Variants in FBXO31 observed in about 807,000 individuals in gnomAD.
FBXO31 encodes F-box protein 31.
FBXO31 carries 24 observed loss-of-function variants against 54.4 expected under a neutral mutation model. That is an observed-to-expected ratio of 0.44 (90% confidence interval 0.32 to 0.62). The LOEUF (loss-of-function observed/expected upper bound fraction) is 0.62, where lower values mean the gene tolerates loss of function less well. Ranked by LOEUF, FBXO31 falls within the 20% of genes least tolerant of loss-of-function variation. The probability of loss-of-function intolerance (pLI) is 0.05; values close to 1 mark genes in which losing one functional copy is unlikely to be tolerated. For synonymous variants in FBXO31, 388 were observed against 335.6 expected, an observed-to-expected ratio of 1.16 and a Z score of -1.71; for missense variants, 665 against 787.1, an observed-to-expected ratio of 0.84 and a Z score of 1.86.
At chr16:87,368,941 A>G (rs1183186431) in intron 1 of FBXO31, among the ~76,000 whole-genome samples, 1 of 152,034 alleles carries the variant, frequency 6.6e-6, no homozygotes, top group Non-Finnish European at 1.5e-5. Flanking sequence ...CTGGGATTAC[A>G]CGTGCCCGCC....
In FBXO31 at chr16:87,335,168, C is replaced by T; in HGVS notation, c.996+136G>A. 7.9e-7 allele frequency: 1 copy of T among 1,265,466 alleles called. No homozygotes were observed. The highest frequency in any genetic ancestry group is 1.5e-5 in the African/African-American group (1 of 68,266). 78.4% of individuals were successfully genotyped at this position (1,265,466 alleles called of 1,614,324 possible). ...GCCCGAGAATCTGCTTTCCCAAGCTCCCGGGGCTGCAGGTGCAAGCCCACT... is the reference window on the plus strand; with the variant it reads ...GCCCGAGAATCTGCTTTCCCAAGCTTCCGGGGCTGCAGGTGCAAGCCCACT... On this transcript the variant is annotated intron_variant, in intron 7 of 8. Coordinates refer to ENST00000311635, the MANE Select transcript of FBXO31 (RefSeq NM_024735.5). This position sits in a 1 kb window ranked among gnomAD's most constrained non-coding sequence, Gnocchi z 5.7.
chr16:87,349,304 T>C (rs137869907), intron 2 of FBXO31, among the ~76,000 whole-genome samples: 2 of 152,064 alleles, frequency 1.3e-5, no homozygotes, highest in South Asian at 4.1e-4. Flanking sequence ...GAATGAGATA[T>C]GAAGAAAATA....
intron 1 of FBXO31, among the ~76,000 whole-genome samples, chr16:87,379,297 T>G (rs944015656): frequency 2.0e-5 from 3 of 152,102 alleles, no homozygotes; most frequent in Non-Finnish European, 4.4e-5. Context: ...GCAAACCTTC[T>G]GAAAGGTGGG....
chr16:87,367,630 AG>A (rs1391409565), intron 1 of FBXO31: 8 of 152,266 alleles, frequency 5.3e-5, no homozygotes, highest in Non-Finnish European at 1.2e-4. Context: ...GCCCCTTTCC[AG>A]GTTCCAGATG....
intron 3 of FBXO31, among the ~76,000 whole-genome samples, chr16:87,344,799 C>T (rs1905308664): frequency 6.6e-6 from 1 of 152,216 alleles, no homozygotes; most frequent in African/African-American, 2.4e-5. Flanking sequence ...ACGCCCAACA[C>T]AACAAACGCA....
chr16:87,333,776 C>A (rs998604012), intron 8 of FBXO31, 110 bp downstream of exon 8: 2 of 1,478,574 alleles, frequency 1.4e-6, no homozygotes, highest in South Asian at 1.4e-5. Flanking sequence ...CCGGCTGCCG[C>A]CCTCTGTGAG....
At chr16:87,373,657 G>A (rs769499967) in intron 1 of FBXO31, among the ~76,000 whole-genome samples, 11 of 151,602 alleles carry the variant, frequency 7.3e-5, no homozygotes, top group Non-Finnish European at 1.5e-4. Flanking sequence ...CTCAGCCTCC[G>A]GAGGAACTGG....
At chr16:87,372,583 T>C (rs897992528) in intron 1 of FBXO31, among the ~76,000 whole-genome samples, 1 of 151,984 alleles carries the variant, frequency 6.6e-6, no homozygotes, top group African/African-American at 2.4e-5. Flanking sequence ...TTTTTAGAGG[T>C]AGAGTCTCAC....
intron 2 of FBXO31, among the ~76,000 whole-genome samples, chr16:87,359,590 G>C (rs1290877919): frequency 6.6e-6 from 1 of 152,092 alleles, no homozygotes; most frequent in Non-Finnish European, 1.5e-5. Flanking sequence ...AAATGAAAAA[G>C]AAAAAAGAAA....
In FBXO31 at chr16:87,331,268, G is replaced by T; in HGVS notation, c.*20C>A. The T allele has an allele frequency of 6.2e-7, 1 of 1,607,474 alleles. No homozygotes were observed. The highest frequency in any genetic ancestry group is 8.5e-7 in the Non-Finnish European group (1 of 1,174,476). On this transcript the variant is annotated 3_prime_UTR_variant, in exon 9 of 9. Coordinates refer to ENST00000311635, the MANE Select transcript of FBXO31 (RefSeq NM_024735.5). Reference sequence around the variant, plus strand: ...AGAGCCCCAGAGCCACCCGGGATGTGGCGGCAAGGATGTGGCCGGTCAGGA... The same window carrying T: ...AGAGCCCCAGAGCCACCCGGGATGTTGCGGCAAGGATGTGGCCGGTCAGGA...
At chr16:87,372,181 GC>G (rs1333698209) in intron 1 of FBXO31, among the ~76,000 whole-genome samples, 1 of 152,158 alleles carries the variant, frequency 6.6e-6, no homozygotes, top group African/African-American at 2.4e-5. Context: ...CCGAGATCAT[GC>G]CATTGCACTG....
chr16:87,341,395 C>T (rs1407211659), intron 5 of FBXO31, among the ~76,000 whole-genome samples: 6 of 152,156 alleles, frequency 3.9e-5, no homozygotes, highest in African/African-American at 1.4e-4. Context: ...GTGGCTCACA[C>T]CTGTAATCCC....
At chr16:87,352,201 T>G (rs1005455748) in intron 2 of FBXO31, among the ~76,000 whole-genome samples, 1 of 152,190 alleles carries the variant, frequency 6.6e-6, no homozygotes, top group Non-Finnish European at 1.5e-5. Flanking sequence ...ATCTGTCAGT[T>G]ATAAAGAAAT....
At position 87,383,595 on chromosome 16, in the gene FBXO31, G is replaced by A; in HGVS notation, c.150C>T (p.Val50=). The part of the protein sequence containing the change: ...EEERIEASAG[V]GGGLCAGPSP... Reference sequence around the variant, plus strand: ...AGGGGCCCGCGCACAAGCCGCCCCCGACCCCGGCGCTAGCCTCGATGCGCT... The same window carrying A: ...AGGGGCCCGCGCACAAGCCGCCCCCAACCCCGGCGCTAGCCTCGATGCGCT... Residue 50 remains valine (V), a synonymous_variant, in exon 1 of 9, where the codon GTC becomes GTT. Transcript: ENST00000311635. The surrounding 1 kb of genome is among the most constrained non-coding windows in gnomAD (Gnocchi z 4.9). The A allele has an allele frequency of 6.8e-7, 1 of 1,477,120 alleles. No individual in the cohort carries two copies. 91.5% of individuals were successfully genotyped at this position (1,477,120 alleles called of 1,614,324 possible). A position where few individuals can be genotyped will look rare whatever the true frequency, so the allele number is the denominator to read the frequency against.
chr16:87,330,228 G>C lies in FBXO31; in HGVS notation c.*1060C>G, dbSNP rs1302742038. ...ACAACATGGGGCACACAGCAGTGGA[G>C]GCATCAGTCCATGGGGTCTCCAGGC... On this transcript the variant is annotated 3_prime_UTR_variant, in exon 9 of 9. Coordinates refer to ENST00000311635, the MANE Select transcript of FBXO31 (RefSeq NM_024735.5). 1 of 152,324 alleles carries C rather than the reference G, an allele frequency of 6.6e-6. No homozygotes were observed. Among genetic ancestry groups the C allele is most frequent in the African/African-American group, 2.4e-5 (1 of 41,472 alleles). 9.4% of individuals were successfully genotyped at this position (152,324 alleles called of 1,614,324 possible).
chr16:87,390,015 T>C (rs1907466985), upstream of FBXO31: 1 of 152,272 alleles, frequency 6.6e-6, no homozygotes, highest in South Asian at 2.1e-4. Context: ...GCGCGGTGGC[T>C]CGTGCCTGTA....
At chr16:87,333,800 T>TGTGAGGTCA in intron 8 of FBXO31, 86 bp downstream of exon 8, 2 of 1,503,900 alleles carry the variant, frequency 1.3e-6, no homozygotes, top group Non-Finnish European at 1.8e-6. Context: ...ACAGGCCCTC[T>TGTGAGGTCA]CCGCCTGTGC....
intron 3 of FBXO31, among the ~76,000 whole-genome samples, chr16:87,344,186 G>A (rs550585807): frequency 6.6e-6 from 1 of 152,284 alleles, no homozygotes; most frequent in South Asian, 2.1e-4. Flanking sequence ...TTTGTCAGGT[G>A]TGGCAGTGAC....
chr16:87,350,527 G>C (rs1225345149), intron 2 of FBXO31, among the ~76,000 whole-genome samples: 6 of 152,242 alleles, frequency 3.9e-5, no homozygotes, highest in African/African-American at 1.4e-4. Flanking sequence ...CACTGATCTT[G>C]ACAATGAAAT....
Sources: allele counts gnomAD v4.1 joint callset (sites outside exome capture counted in the v4.1 genomes callset), GRCh38; gene constraint gnomAD v4.1.1; non-coding constraint Gnocchi (gnomAD v3.1); transcripts MANE v1.5; gene names NCBI Gene and HGNC (gene_info 2026-07-23, HGNC 2026-07-21).